The following PLA2G4E variants were observed in gnomAD, a reference collection of about 807,000 sequenced individuals.
The protein encoded by PLA2G4E is phospholipase A2 group IVE.
Under a neutral mutation model 109.1 loss-of-function variants are expected in PLA2G4E, and 84 were observed. That is an observed-to-expected ratio of 0.77 (90% CI 0.65 to 0.92). The LOEUF is 0.92. Among genes scored for constraint, PLA2G4E ranks in the 40% least tolerant of loss-of-function variants. PLA2G4E has a pLI of 0.00. For missense variants in PLA2G4E, 1,057 were observed against 1,076.6 expected (o/e 0.98, Z 0.25); for synonymous variants, 469 against 436.1 (o/e 1.08, Z -0.94).
intron 1 of PLA2G4E, among the ~76,000 whole-genome samples, chr15:42,032,722 C>T (rs1036503494): frequency 1.3e-5 from 2 of 152,140 alleles, no homozygotes; most frequent in Non-Finnish European, 2.9e-5. Context: ...TGAGGCTATG[C>T]CATGCTTGGG....
Position 41,989,552 on chromosome 15 carries a change from TC to T in PLA2G4E, c.1586-1del. 1.2e-6 allele frequency: 2 copies of T among 1,612,970 alleles called. No homozygotes were observed. Among genetic ancestry groups the T allele is most frequent in the Non-Finnish European group, 1.7e-6 (2 of 1,179,340 alleles). On this transcript the variant is annotated splice_acceptor_variant, in intron 14 of 19. Coordinates refer to ENST00000399518, the Ensembl canonical transcript of PLA2G4E. LOFTEE classifies it high-confidence loss of function. ...CTCGTAGGGGGAGAACTCGAACCAC[TC>T]TGCACATGAAGCAGCAGGACGGGGG...
chr15:42,038,491 G>A (rs1889257186), intron 1 of PLA2G4E, among the ~76,000 whole-genome samples: 1 of 152,214 alleles, frequency 6.6e-6, no homozygotes. Flanking sequence ...CTCACAAGGA[G>A]CGTGCAACCT....
chr15:42,028,148 C>T (rs1403519193), intron 1 of PLA2G4E, among the ~76,000 whole-genome samples: 1 of 152,128 alleles, frequency 6.6e-6, no homozygotes, highest in Non-Finnish European at 1.5e-5. Context: ...TACAAAGTAG[C>T]AGGGACTGGT....
intron 1 of PLA2G4E, among the ~76,000 whole-genome samples, chr15:42,017,412 T>C (rs1023928543): frequency 2.6e-5 from 4 of 152,232 alleles, no homozygotes; most frequent in African/African-American, 4.8e-5. Context: ...AGCTAGCATC[T>C]GCTGCGTGCC....
intron 1 of PLA2G4E, among the ~76,000 whole-genome samples, chr15:42,024,387 T>C (rs574451899): frequency 6.6e-6 from 1 of 152,130 alleles, no homozygotes; most frequent in African/African-American, 2.4e-5. Flanking sequence ...AGCCCCAGGA[T>C]CCTCAGATCC....
intron 5 of PLA2G4E, among the ~76,000 whole-genome samples, chr15:42,003,156 G>A (rs1407951876): frequency 2.0e-5 from 3 of 152,218 alleles, no homozygotes; most frequent in African/African-American, 7.2e-5. Flanking sequence ...ATGCCCTTGT[G>A]TTATAAAGTT....
rs749510549 is a variant in PLA2G4E at position 41,999,569 on chromosome 15, G to A, written c.937-8C>T. On this transcript the variant is annotated splice_region_variant and splice_polypyrimidine_tract_variant and intron_variant, in intron 9 of 19. Transcript: ENST00000399518. ...TAATTCATAACTCTCACCCTGGGGA[G>A]GGAAAGATGAAAAGCTTGTCAGAGG... The A allele has an allele frequency of 6.2e-7, 1 of 1,612,024 alleles. No homozygotes were observed. The highest frequency in any genetic ancestry group is 8.5e-7 in the Non-Finnish European group (1 of 1,179,062).
chr15:42,010,808 T>C (rs1205631293), intron 2 of PLA2G4E, among the ~76,000 whole-genome samples: 2 of 152,188 alleles, frequency 1.3e-5, no homozygotes, highest in Non-Finnish European at 2.9e-5. Context: ...TGTCTCTCAG[T>C]CCTGGCCCAA....
chr15:42,041,773 T>C (rs1004312134), intron 1 of PLA2G4E, among the ~76,000 whole-genome samples: 1 of 152,152 alleles, frequency 6.6e-6, no homozygotes, highest in African/African-American at 2.4e-5. Context: ...TGTGTGTGTG[T>C]GGAGGGACAG....
intron 1 of PLA2G4E, among the ~76,000 whole-genome samples, chr15:42,038,694 T>A (rs1037072583): frequency 4.6e-5 from 7 of 152,184 alleles, no homozygotes; most frequent in Admixed American, 3.9e-4. Flanking sequence ...TTGACTATGG[T>A]AAGGGAGAAT....
At chr15:42,023,041 T>A (rs2068661668) in intron 1 of PLA2G4E, among the ~76,000 whole-genome samples, 1 of 151,996 alleles carries the variant, frequency 6.6e-6, no homozygotes, top group Admixed American at 6.6e-5. Context: ...AGAAACAGCA[T>A]GAACACAGGC....
rs947775120 is a variant in PLA2G4E at position 42,042,266 on chromosome 15, C to T, written c.183+8255G>A. Among the ~76,000 whole-genome samples the T allele has an allele frequency of 8.6e-5, 13 of 151,922 alleles. No homozygotes were observed. In the South Asian group the frequency reaches 1.0e-3, roughly 12 times the overall value. ...GCTTAATTTTACATATATCAATATA[C>T]GTATATATAAAGAAAATTTATTTCT... On this transcript the variant is annotated intron_variant, in intron 1 of 19. Coordinates refer to ENST00000399518, the Ensembl canonical transcript of PLA2G4E.
chr15:41,984,529 A>T, exon 19 of PLA2G4E: 3 of 1,613,948 alleles, frequency 1.9e-6, no homozygotes, highest in Non-Finnish European at 2.5e-6. Flanking sequence ...ATCAGGTAGC[A>T]TTCCTTGAGA....
intron 11 of PLA2G4E, among the ~76,000 whole-genome samples, chr15:41,996,518 T>C (rs1443170892): frequency 6.6e-6 from 1 of 152,140 alleles, no homozygotes; most frequent in African/African-American, 2.4e-5. Context: ...TCACCTAGGG[T>C]CAGCCTCAGA....
At position 42,014,606 on chromosome 15, in the gene PLA2G4E, C is replaced by G. The variant is rs1464382834; in HGVS notation, c.184-849G>C. On this transcript the variant is annotated intron_variant, in intron 1 of 19. Transcript: ENST00000399518. ...CGGTGACATCTACTCACTGGGAGAC[C>G]ATGTGCCAGGGGCTCACCCCCACTG... is the stretch of plus-strand genomic sequence containing the variant. 3.3e-5 allele frequency among the ~76,000 whole-genome samples: 5 copies of G among 152,184 alleles called. No individual in the cohort carries two copies. In the East Asian group the frequency reaches 9.7e-4, roughly 29 times the overall value.
intron 1 of PLA2G4E, among the ~76,000 whole-genome samples, chr15:42,044,505 T>C (rs1889376292): frequency 6.6e-6 from 1 of 151,892 alleles, no homozygotes; most frequent in Non-Finnish European, 1.5e-5. Context: ...CTTAAGAAAC[T>C]GGATGCCACC....
At chr15:42,038,029 G>A (rs908927258) in intron 1 of PLA2G4E, among the ~76,000 whole-genome samples, 1 of 152,198 alleles carries the variant, frequency 6.6e-6, no homozygotes, top group Non-Finnish European at 1.5e-5. Context: ...AATAGCCACA[G>A]GTTTCTGGCC....
chr15:42,045,937 G>A (rs1668540), intron 1 of PLA2G4E, among the ~76,000 whole-genome samples: 2 of 151,872 alleles, frequency 1.3e-5, no homozygotes, highest in African/African-American at 4.8e-5. Context: ...CACCCAGACC[G>A]CTCCACCCCA....
intron 13 of PLA2G4E, among the ~76,000 whole-genome samples, chr15:41,990,747 T>A: frequency 1.9e-4 from 1 of 5,258 alleles, no homozygotes; most frequent in African/African-American, 4.9e-4. Flanking sequence ...TTCCCTTCTT[T>A]TTTTTTTTTT....
Sources: allele counts gnomAD v4.1 joint callset (sites outside exome capture counted in the v4.1 genomes callset), GRCh38; gene constraint gnomAD v4.1.1; transcripts MANE v1.5; gene names NCBI Gene and HGNC (gene_info 2026-07-23, HGNC 2026-07-21).